The following TTC23 variants were observed in gnomAD, a reference collection of about 807,000 sequenced individuals.
TTC23 encodes the protein tetratricopeptide repeat domain 23, also known as tetratricopeptide repeat protein 23.
TTC23 carries 58 observed loss-of-function variants against 55.1 expected under a neutral mutation model. That is an observed-to-expected ratio of 1.05 (90% CI 0.85 to 1.31). The LOEUF is 1.31. Ranked by LOEUF, TTC23 falls within the 50% of genes most tolerant of loss-of-function variation. TTC23 has a pLI of 0.00. For synonymous variants in TTC23, 203 were observed against 199.9 expected, an observed-to-expected ratio of 1.02 and a Z score of -0.13; for missense variants, 516 against 534.4, an observed-to-expected ratio of 0.97 and a Z score of 0.34.
chr15:99,190,106 G>A (rs1184153506), intron 9 of TTC23, among the ~76,000 whole-genome samples: 1 of 152,040 alleles, frequency 6.6e-6, no homozygotes, highest in African/African-American at 2.4e-5. Flanking sequence ...GCTTGACCTG[G>A]GAGGGCGAGG....
intron 9 of TTC23, among the ~76,000 whole-genome samples, chr15:99,180,594 G>T (rs1411130312): frequency 6.6e-6 from 1 of 152,188 alleles, no homozygotes; most frequent in Admixed American, 6.5e-5. Context: ...TGAAAAGGAT[G>T]AGAGACACTT....
At chr15:99,158,660 T>C (rs1468860148) in intron 11 of TTC23, 1 of 152,138 alleles carries the variant, frequency 6.6e-6, no homozygotes, top group African/African-American at 2.4e-5. Context: ...CCTCACGGAG[T>C]AGCTTAACCT....
At chr15:99,144,375 T>C (rs1467113682) in intron 12 of TTC23, 3 of 152,278 alleles carry the variant, frequency 2.0e-5, no homozygotes, top group East Asian at 1.9e-4. Context: ...AAACCCACAG[T>C]AATTCAATAC....
chr15:99,224,854 A>C (rs975994440), intron 5 of TTC23, among the ~76,000 whole-genome samples: 1 of 152,022 alleles, frequency 6.6e-6, no homozygotes, highest in Non-Finnish European at 1.5e-5. Context: ...TTTAGTCCAC[A>C]TTTTTCTCCC....
intron 10 of TTC23, among the ~76,000 whole-genome samples, chr15:99,166,514 A>G (rs1177292705): frequency 6.6e-6 from 1 of 152,148 alleles, no homozygotes; most frequent in Admixed American, 6.5e-5. Flanking sequence ...GGAAGAGGGA[A>G]CGGGTGTGAG....
chr15:99,225,456 G>A (rs1037043366), intron 5 of TTC23, among the ~76,000 whole-genome samples: 23 of 152,132 alleles, frequency 1.5e-4, no homozygotes, highest in African/African-American at 5.1e-4. Flanking sequence ...AAGTGGTAGC[G>A]CCAGGAAGTG....
Position 99,244,127 on chromosome 15 carries a change from A to C in TTC23, c.-309+1262T>G, listed in dbSNP as rs1283624637. ...CACCTACTACTATGTACTCACAAAA[A>C]TTAAAAATTAAAAAACAAAACCAAA... On this transcript the variant is annotated intron_variant, in intron 2 of 13. Coordinates refer to ENST00000394132, the MANE Select transcript of TTC23 (RefSeq NM_001288615.3). Among the ~76,000 whole-genome samples, 4 of 152,200 alleles carry C rather than the reference A, an allele frequency of 2.6e-5. 1 individual carries two copies. The highest frequency in any genetic ancestry group is 5.9e-5 in the Non-Finnish European group (4 of 68,028).
Position 99,228,563 on chromosome 15 carries a change from C to T in TTC23, c.150G>A (p.Glu50=). 1 of 1,612,796 alleles carries T rather than the reference C, an allele frequency of 6.2e-7. No individual in the cohort carries two copies. Among genetic ancestry groups the T allele is most frequent in the East Asian group, 2.2e-5 (1 of 44,856 alleles). Residue 50 remains glutamate, a synonymous_variant, in exon 5 of 14, where the codon GAG becomes GAA. Coordinates refer to ENST00000394132, the MANE Select transcript of TTC23 (RefSeq NM_001288615.3). ...GACTGTTGGAATAGGACTTTGCTTT[C>T]TCTTCACAGAGGTGGAGTTTCTCTC... is the stretch of plus-strand genomic sequence containing the variant. ...PPREKLHLCE[E]KAKSYSNSHE... is the part of the protein sequence containing the mutation.
intron 10 of TTC23, among the ~76,000 whole-genome samples, chr15:99,172,867 T>G (rs757259732): frequency 3.9e-5 from 6 of 152,224 alleles, no homozygotes; most frequent in Non-Finnish European, 5.9e-5. Context: ...GTGCTATATT[T>G]AGACTGGAAA....
At chr15:99,169,521 G>C (rs2072622255) in intron 10 of TTC23, among the ~76,000 whole-genome samples, 1 of 152,192 alleles carries the variant, frequency 6.6e-6, no homozygotes, top group African/African-American at 2.4e-5. Context: ...GTGTACACCA[G>C]GGGTGCCTGA....
chr15:99,176,653 A>G (rs1413779826), intron 9 of TTC23, among the ~76,000 whole-genome samples: 1 of 152,128 alleles, frequency 6.6e-6, no homozygotes, highest in African/African-American at 2.4e-5. Flanking sequence ...AAAACACTAG[A>G]TTGGGATAGG....
chr15:99,211,394 AAAG>A (rs947951590), intron 8 of TTC23, among the ~76,000 whole-genome samples: 4 of 152,134 alleles, frequency 2.6e-5, no homozygotes, highest in Non-Finnish European at 2.9e-5. Flanking sequence ...AAACAAAAAA[AAAG>A]AAGAAGTAAG....
intron 4 of TTC23, among the ~76,000 whole-genome samples, chr15:99,231,882 C>A (rs912809838): frequency 2.0e-5 from 3 of 150,074 alleles, no homozygotes; most frequent in African/African-American, 7.4e-5. Flanking sequence ...AACCTCTACC[C>A]CCCAGGTTCA....
At chr15:99,234,295 G>C (rs1046314578) in intron 4 of TTC23, among the ~76,000 whole-genome samples, 2 of 152,156 alleles carry the variant, frequency 1.3e-5, no homozygotes, top group East Asian at 1.9e-4. Flanking sequence ...TATCTTACTG[G>C]TATAAAGAAC....
intron 9 of TTC23, among the ~76,000 whole-genome samples, chr15:99,184,837 C>T (rs2074513140): frequency 6.6e-6 from 1 of 152,136 alleles, no homozygotes; most frequent in African/African-American, 2.4e-5. Context: ...TTTGTGTCCC[C>T]ACCCAAATCT....
At chr15:99,234,456 C>T (rs868165702) in intron 4 of TTC23, among the ~76,000 whole-genome samples, 28 of 152,248 alleles carry the variant, frequency 1.8e-4, no homozygotes, top group Admixed American at 1.6e-3. Flanking sequence ...CTGCAAGCTC[C>T]ACCTCCTGGG....
chr15:99,217,600 AG>A (rs1218753911), intron 8 of TTC23, among the ~76,000 whole-genome samples: 2 of 152,226 alleles, frequency 1.3e-5, no homozygotes, highest in African/African-American at 4.8e-5. Context: ...TCGGAGATGA[AG>A]GGAAAAATTA....
intron 11 of TTC23, chr15:99,157,585 AG>A (rs1372778052): frequency 1.3e-5 from 2 of 152,218 alleles, no homozygotes; most frequent in African/African-American, 4.8e-5. Flanking sequence ...GTGAAAATAT[AG>A]CATTCCTGGG....
At chr15:99,217,768 T>A (rs930211939) in intron 8 of TTC23, among the ~76,000 whole-genome samples, 2 of 152,340 alleles carry the variant, frequency 1.3e-5, no homozygotes, top group Admixed American at 6.5e-5. Context: ...CACTTTCCAT[T>A]CACATGGAAG....
Sources: gnomAD v4.1 joint callset for allele counts (sites outside exome capture counted in the v4.1 genomes callset) on GRCh38, gnomAD v4.1.1 for gene constraint, MANE v1.5 for transcripts, NCBI Gene and HGNC (gene_info 2026-07-23, HGNC 2026-07-21) for gene names.